FGD1: variants seen among roughly 807,000 people sequenced by gnomAD.
The protein encoded by FGD1 is FYVE, RhoGEF and PH domain containing 1, also known as FYVE, RhoGEF and PH domain-containing protein 1.
FGD1 carries 12 observed loss-of-function variants against 65.0 expected under a neutral mutation model. The observed-to-expected ratio is 0.18, with a 90% CI of 0.12 to 0.30. FGD1 has a LOEUF of 0.30. FGD1 is among the 10% of genes least tolerant of loss of function. FGD1 has a pLI of 1.00. For synonymous variants in FGD1, 333 were observed against 343.9 expected (o/e 0.97, Z 0.35); for missense variants, 542 against 837.6 (o/e 0.65, Z 4.36).
In FGD1 at chrX:54,470,668, G is replaced by T. The variant is rs398124164; in HGVS notation, c.574C>A (p.Pro192Thr). 1 of 1,168,546 alleles carries T rather than the reference G, an allele frequency of 8.6e-7. No homozygotes were observed. Among genetic ancestry groups the T allele is most frequent in the Non-Finnish European group, 1.2e-6 (1 of 861,921 alleles). ...GGAGCCAGGCCCTTGGCCACTCGGG[G>T]GTCGGCAGGCAGTGGGCGTGATGGT... is the stretch of plus-strand genomic sequence containing the variant. ...PPPSRPLPAD[P>T]RVAKGLAPRA... Residue 192 changes from proline to threonine, a missense_variant, in exon 3 of 18, where the codon CCC becomes ACC. By Grantham distance (38) the Pro-to-Thr change is conservative. Coordinates refer to ENST00000375135, the MANE Select transcript of FGD1 (RefSeq NM_004463.3).
At chrX:54,486,156 G>C (rs1013067550) in intron 1 of FGD1, among the ~76,000 whole-genome samples, 1 of 110,928 alleles carries the variant, frequency 9.0e-6, no homozygotes, top group Non-Finnish European at 1.9e-5. Context: ...GCACAATCTC[G>C]ACTCACTGCA....
chrX:54,471,451 A>G lies in FGD1; in HGVS notation c.344T>C (p.Leu115Ser). Residue 115 changes from leucine to serine, a missense_variant, in exon 2 of 18, where the codon TTG becomes TCG. Physicochemically the swap from Leu to Ser is moderately radical, Grantham distance 145. Around this residue, in one of 6 missense-constraint regions of FGD1, gnomAD observed 297 missense variants for 326.8 expected, o/e 0.91. Transcript: ENST00000375135. ...HQGNRILVKSLSLDPGQSLEP... is the reference protein window; with the variant it reads ...HQGNRILVKSSSLDPGQSLEP... ...TAGGCTTTGGCCAGGGTCAAGGGAC[A>G]AACTTTTAACCAGGATCCGGTTTCC... 2 of 1,211,853 alleles carry G rather than the reference A, an allele frequency of 1.7e-6. No homozygotes were observed. Among genetic ancestry groups the G allele is most frequent in the Non-Finnish European group, 1.1e-6 (1 of 895,575 alleles).
intron 13 of FGD1, 28 bp from the exon 14 acceptor site, chrX:54,449,788 G>A: frequency 2.0e-6 from 2 of 1,020,322 alleles, no homozygotes; most frequent in Non-Finnish European, 2.8e-6. Context: ...GAAATGAGAA[G>A]TCAGATCACC....
rs1014075574 is a variant in FGD1 at position 54,467,875 on chromosome X, C to T, written c.1249G>A (p.Val417Ile). Reference sequence around the variant, plus strand: ...ATGTTAGAGAAGATGCCGTGGACAACGTCGGCCGGGAAGGAACTGCGGTTC... The same window carrying T: ...ATGTTAGAGAAGATGCCGTGGACAATGTCGGCCGGGAAGGAACTGCGGTTC... Reference protein sequence around the residue: ...ARNRSSFPADVVHGIFSNICS... With the variant: ...ARNRSSFPADIVHGIFSNICS... Residue 417 changes from valine (V) to isoleucine (I), a missense_variant, in exon 6 of 18, where the codon GTT (valine) becomes ATT (isoleucine). Val to Ile is a conservative substitution (Grantham distance 29, BLOSUM62 3). This residue lies in a region of FGD1 where 22 missense variants were observed against 46.4 expected (regional missense o/e 0.47). Coordinates refer to ENST00000375135, the MANE Select transcript of FGD1 (RefSeq NM_004463.3). 1.2e-5 allele frequency: 14 copies of T among 1,172,887 alleles called. No individual in the cohort carries two copies. The highest frequency in any genetic ancestry group is 1.9e-5 in the South Asian group (1 of 52,906).
intron 8 of FGD1, among the ~76,000 whole-genome samples, chrX:54,461,141 C>T (rs760491309): frequency 1.4e-4 from 16 of 111,267 alleles, no homozygotes; most frequent in Middle Eastern, 4.6e-3. Context: ...GGGGATGTTA[C>T]GTTGGGGATC....
intron 1 of FGD1, among the ~76,000 whole-genome samples, chrX:54,477,351 G>A (rs1201331429): frequency 8.9e-6 from 1 of 112,179 alleles, no homozygotes; most frequent in East Asian, 2.8e-4. Context: ...GAAAGGCAAC[G>A]AGGGCGAGCC....
At chrX:54,482,120 C>T (rs1923155154) in intron 1 of FGD1, among the ~76,000 whole-genome samples, 1 of 111,884 alleles carries the variant, frequency 8.9e-6, no homozygotes, top group Non-Finnish European at 1.9e-5. Context: ...CAGAGACACA[C>T]ATGGATCTAT....
chrX:54,453,656 T>C (rs1197804653), intron 12 of FGD1, among the ~76,000 whole-genome samples: 1 of 111,991 alleles, frequency 8.9e-6, no homozygotes, highest in Admixed American at 9.5e-5. Context: ...CCTCCTACCT[T>C]GGCCTCCCAA....
intron 8 of FGD1, among the ~76,000 whole-genome samples, chrX:54,462,855 C>T (rs765903293): frequency 9.4e-6 from 1 of 106,345 alleles, no homozygotes; most frequent in Non-Finnish European, 1.9e-5. Flanking sequence ...ACTTCTGCCT[C>T]CCGGGTTCAA....
intron 1 of FGD1, among the ~76,000 whole-genome samples, chrX:54,487,683 C>A (rs1322622492): frequency 2.7e-5 from 3 of 112,445 alleles, no homozygotes; most frequent in Admixed American, 9.4e-5. Context: ...GGCATGGTGG[C>A]TCAAGCTTAT....
intron 1 of FGD1, among the ~76,000 whole-genome samples, chrX:54,476,416 T>A (rs1420414396): frequency 3.7e-5 from 4 of 109,161 alleles, no homozygotes; most frequent in African/African-American, 1.3e-4. Flanking sequence ...TACAGTAGTG[T>A]GATCAGGTCA....
Position 54,447,454 on chromosome X carries a change from T to G in FGD1, c.2437A>C (p.Lys813Gln), listed in dbSNP as rs1251998110. 3 of 1,209,470 alleles carry G rather than the reference T, an allele frequency of 2.5e-6. No homozygotes were observed. In the Admixed American group the frequency reaches 6.5e-5, roughly 26 times the overall value. Residue 813 changes from lysine (K) to glutamine (Q), a missense_variant and splice_region_variant, in exon 17 of 18, where the codon AAA becomes CAA. Transcript: ENST00000375135. ...TPQRRRSILE[K>Q]QASVAAENSV... ...TTCTCTGCAGCCACTGAGGCCTGTT[T>G]CTGTGGCCAGAGACACCGGGCATCA...
At chrX:54,457,852 CA>C (rs769640731) in intron 8 of FGD1, among the ~76,000 whole-genome samples, 1 of 110,361 alleles carries the variant, frequency 9.1e-6, no homozygotes, top group Non-Finnish European at 1.9e-5. Context: ...AGTCCCTGTA[CA>C]TCTCCACACA....
At chrX:54,455,136 A>G (rs1922467707) in intron 12 of FGD1, among the ~76,000 whole-genome samples, 1 of 112,539 alleles carries the variant, frequency 8.9e-6, no homozygotes, top group South Asian at 3.7e-4. Flanking sequence ...TGGGTTTCAC[A>G]TCCCATTCTT....
chrX:54,456,901 G>A (rs1236260406), intron 8 of FGD1, among the ~76,000 whole-genome samples: 1 of 111,163 alleles, frequency 9.0e-6, no homozygotes, highest in Non-Finnish European at 1.9e-5. Context: ...AAAGTGCTGG[G>A]ATTACAGGCG....
intron 1 of FGD1, among the ~76,000 whole-genome samples, chrX:54,486,125 C>T (rs1923269122): frequency 9.2e-6 from 1 of 109,234 alleles, no homozygotes. Flanking sequence ...CTCGCTCTGT[C>T]ACCCAGGCTG....
chrX:54,478,413 AT>A (rs1387061823), intron 1 of FGD1, among the ~76,000 whole-genome samples: 1 of 110,240 alleles, frequency 9.1e-6, no homozygotes, highest in Non-Finnish European at 1.9e-5. Flanking sequence ...TAAGTCACTA[AT>A]TTATAAAACT....
chrX:54,471,224 A>T, intron 2 of FGD1, 90 bp downstream of exon 2: 1 of 1,036,625 alleles, frequency 9.6e-7, no homozygotes, highest in Non-Finnish European at 1.3e-6. Flanking sequence ...TATCCTTCTA[A>T]CAAACCCTCT....
chrX:54,449,557 C>A (rs1922326430), intron 14 of FGD1, 102 bp downstream of exon 14: 1 of 599,739 alleles, frequency 1.7e-6, no homozygotes. Context: ...CCTCTCTGGT[C>A]ATTACCGTCT....
Sources: allele counts gnomAD v4.1 joint callset (sites outside exome capture counted in the v4.1 genomes callset), GRCh38; gene constraint gnomAD v4.1.1; regional missense constraint gnomAD v4.1.1; transcripts MANE v1.5; gene names NCBI Gene and HGNC (gene_info 2026-07-23, HGNC 2026-07-21).